Variants in EP400 observed in about 807,000 individuals in gnomAD.
EP400 encodes E1A binding protein p400.
A neutral mutation model predicts 354.1 loss-of-function variants in EP400; 105 were observed. That is an observed-to-expected ratio of 0.30 (90% confidence interval 0.25 to 0.35). EP400 has a LOEUF of 0.35. EP400 is among the 10% of genes least tolerant of loss of function. The probability of loss-of-function intolerance (pLI) is 1.00; values close to 1 mark genes in which losing one functional copy is unlikely to be tolerated. For missense variants in EP400, 3,280 were observed against 4,121.0 expected (o/e 0.80, Z 5.59); for synonymous variants, 1,646 against 1,716.9 (o/e 0.96, Z 1.02).
chr12:132,017,618 G>A lies in EP400; in HGVS notation c.4007G>A (p.Gly1336Glu). The A allele has an allele frequency of 5.6e-6, 9 of 1,612,270 alleles. No individual in the cohort carries two copies. Among genetic ancestry groups the A allele is most frequent in the Non-Finnish European group, 7.6e-6 (9 of 1,179,070 alleles). ...VRLQRICNHP[G>E]LVEPRHPGSS... ...CTGCAGCGCATCTGCAACCACCCTGGGCTCGTCGAGCCCCGGCACCCAGGC... is the reference window on the plus strand; with the variant it reads ...CTGCAGCGCATCTGCAACCACCCTGAGCTCGTCGAGCCCCGGCACCCAGGC... The change falls in exon 20 of 53, where the codon GGG becomes GAG. Residue 1336 changes from glycine to glutamate, a missense_variant. Transcript: ENST00000389561. This position sits in a 1 kb window ranked among gnomAD's most constrained non-coding sequence, Gnocchi z 5.0.
At chr12:132,063,691 A>T (rs974246804) in intron 47 of EP400, among the ~76,000 whole-genome samples, 15 of 152,132 alleles carry the variant, frequency 9.9e-5, no homozygotes, top group Middle Eastern at 3.2e-3. Flanking sequence ...AGTGGGCTGC[A>T]GGAGACGCAC....
At chr12:132,034,231 A>G (rs1478347306) in intron 30 of EP400, among the ~76,000 whole-genome samples, 1 of 152,224 alleles carries the variant, frequency 6.6e-6, no homozygotes, top group African/African-American at 2.4e-5. Flanking sequence ...AAAGTGTTGT[A>G]TTCTCAGTAT....
chr12:131,963,555 T>C (rs776041507), intron 2 of EP400: 1 of 1,598,448 alleles, frequency 6.3e-7, no homozygotes, highest in South Asian at 1.1e-5. Flanking sequence ...CAGGAAAGGA[T>C]GGGCAGACTG....
At chr12:132,004,152 C>T (rs967609493) in intron 12 of EP400, among the ~76,000 whole-genome samples, 7 of 152,298 alleles carry the variant, frequency 4.6e-5, no homozygotes, top group Admixed American at 6.5e-5. Context: ...TTCAGCTTTC[C>T]GTGTTGATTT....
In EP400 at chr12:132,013,487, C is replaced by T. The variant is rs771929984; in HGVS notation, c.3612-3C>T. 5 of 1,554,656 alleles carry T rather than the reference C, an allele frequency of 3.2e-6. 1 individual carries two copies. In the East Asian group the frequency reaches 6.8e-5, roughly 21 times the overall value. ...CCAGTGTTGTCTCTTGTCCTGTTTG[C>T]AGCCAACAACGTCTGCTTCTGATCG... is the stretch of plus-strand genomic sequence containing the variant. On this transcript the variant is annotated splice_polypyrimidine_tract_variant and splice_region_variant and intron_variant, in intron 17 of 52. Transcript: ENST00000389561. This position sits in a 1 kb window ranked among gnomAD's most constrained non-coding sequence, Gnocchi z 4.5.
Position 131,986,613 on chromosome 12 carries a change from G to A in EP400, c.2029G>A (p.Gly677Ser), listed in dbSNP as rs768684494. 12 of 1,613,762 alleles carry A rather than the reference G, an allele frequency of 7.4e-6. No individual in the cohort carries two copies. The highest frequency in any genetic ancestry group is 1.6e-4 in the Middle Eastern group (1 of 6,084). ...GTCCCTCGCGCCTGTGAGTGGCTCC[G>A]GCCCAGGACCCTCCCCTGCTCGATC... ...TSSLAPVSGS[G>S]PGPSPARSSP... is the part of the protein sequence containing the mutation. The change falls in exon 6 of 53, where the codon GGC becomes AGC. Residue 677 changes from glycine (G) to serine (S), a missense_variant. Transcript: ENST00000389561.
intron 32 of EP400, among the ~76,000 whole-genome samples, chr12:132,041,300 A>G (rs777343883): frequency 2.4e-4 from 36 of 152,242 alleles, no homozygotes; most frequent in Non-Finnish European, 3.7e-4. Flanking sequence ...GCAAGTGTAC[A>G]CATTACAAAG....
chr12:132,076,287 G>T, intron 51 of EP400: 6 of 589,744 alleles, frequency 1.0e-5, no homozygotes, highest in Non-Finnish European at 1.9e-5. Flanking sequence ...CCAAAAATAA[G>T]CTTAAATGAT....
Position 131,990,697 on chromosome 12 carries a change from A to C in EP400, c.2612A>C (p.Gln871Pro), listed in dbSNP as rs1459387344. ...EEKRKKALNLQKVSRRGKELR... is the reference protein window; with the variant it reads ...EEKRKKALNLPKVSRRGKELR... Reference sequence around the variant, plus strand: ...AAAAGGAAGAAGGCCTTAAATTTACAGAAAGTTTCCAGGAGAGGTAGGACC... The same window carrying C: ...AAAAGGAAGAAGGCCTTAAATTTACCGAAAGTTTCCAGGAGAGGTAGGACC... The change falls in exon 9 of 53, where the codon CAG becomes CCG. Residue 871 changes from glutamine to proline, a missense_variant. Physicochemically the swap from Gln to Pro is moderately conservative, Grantham distance 76. This residue lies in a region of EP400 where 800 missense variants were observed against 840.0 expected (regional missense o/e 0.95). Transcript: ENST00000389561. The surrounding 1 kb of genome is among the most constrained non-coding windows in gnomAD (Gnocchi z 4.2). The C allele has an allele frequency of 2.5e-6, 4 of 1,612,456 alleles. No individual in the cohort carries two copies. The African/African-American group carries it at 5.3e-5, about 22-fold the overall frequency.
At chr12:131,969,560 C>G (rs527532686) in intron 2 of EP400, among the ~76,000 whole-genome samples, 1 of 152,296 alleles carries the variant, frequency 6.6e-6, no homozygotes, top group Non-Finnish European at 1.5e-5. Context: ...ATACTTCCGA[C>G]ATACCTCTCT....
At position 132,053,365 on chromosome 12, in the gene EP400, C is replaced by G. The variant is rs1338959094; in HGVS notation, c.7496C>G (p.Ala2499Gly). ...CAGGCTCTGGCTGATCAGCAGAAGG[C>G]ACAGCAGCCGGCCGTGGCCCAGCCA... Reference protein sequence around the residue: ...EKKALADQQKAQQPAVAQPPP... With the variant: ...EKKALADQQKGQQPAVAQPPP... The change falls in exon 43 of 53, where the codon GCA becomes GGA. Residue 2499 changes from alanine to glycine, a missense_variant. Coordinates refer to ENST00000389561, the MANE Select transcript of EP400 (RefSeq NM_015409.5). 31 of 1,575,958 alleles carry G rather than the reference C, an allele frequency of 2.0e-5. No individual in the cohort carries two copies. The highest frequency in any genetic ancestry group is 2.7e-5 in the Non-Finnish European group (31 of 1,169,072).
Position 131,990,754 on chromosome 12 carries a change from T to TG in EP400, c.2629+40_2629+41insG. 1.4e-6 allele frequency: 2 copies of TG among 1,480,982 alleles called. No homozygotes were observed. Among genetic ancestry groups the TG allele is most frequent in the South Asian group, 1.2e-5 (1 of 84,290 alleles). The allele number at this position is 1,480,982 out of a possible 1,614,324, so 91.7% of individuals were successfully genotyped here. On this transcript the variant is annotated intron_variant, in intron 9 of 52. Coordinates refer to ENST00000389561, the MANE Select transcript of EP400 (RefSeq NM_015409.5). This position sits in a 1 kb window ranked among gnomAD's most constrained non-coding sequence, Gnocchi z 4.2. ...AAAAAGGCTCACCACGCTTGGGTGG[T>TG]ATTTTGTTCGGATTCTTTTCTCAGC...
chr12:132,043,957 G>A (rs980064140), intron 34 of EP400, among the ~76,000 whole-genome samples: 1 of 152,172 alleles, frequency 6.6e-6, no homozygotes, highest in Admixed American at 6.5e-5. Context: ...AGGGACCGTG[G>A]AGCTTGTTCT....
chr12:131,992,204 C>T lies in EP400; in HGVS notation c.2711C>T (p.Ala904Val), dbSNP rs1470928618. The T allele has an allele frequency of 6.2e-7, 1 of 1,610,258 alleles. No homozygotes were observed. Among genetic ancestry groups the T allele is most frequent in the Non-Finnish European group, 8.5e-7 (1 of 1,179,946 alleles). ...DSGMSGRKRK[A>V]SISLTDDEVD... The stretch of plus-strand genomic sequence containing the variant: ...GGAATGTCTGGAAGAAAAAGAAAAG[C>T]TAGCATATCTTTGACTGATGACGAA... The change falls in exon 11 of 53, where the codon GCT becomes GTT. Residue 904 changes from alanine (A) to valine (V), a missense_variant. Physicochemically the swap from Ala to Val is moderately conservative, Grantham distance 64. Coordinates refer to ENST00000389561, the MANE Select transcript of EP400 (RefSeq NM_015409.5).
Position 132,029,101 on chromosome 12 carries a change from G to T in EP400, c.5382-600G>T, listed in dbSNP as rs1289878991. The T allele has an allele frequency of 6.5e-6, 1 of 153,118 alleles. No homozygotes were observed. Among genetic ancestry groups the T allele is most frequent in the African/African-American group, 2.4e-5 (1 of 41,436 alleles). 9.5% of individuals were successfully genotyped at this position (153,118 alleles called of 1,614,324 possible). A position where few individuals can be genotyped will look rare whatever the true frequency, so the allele number is the denominator to read the frequency against. On this transcript the variant is annotated intron_variant, in intron 27 of 52. Coordinates refer to ENST00000389561, the MANE Select transcript of EP400 (RefSeq NM_015409.5). This position sits in a 1 kb window ranked among gnomAD's most constrained non-coding sequence, Gnocchi z 4.7. The stretch of plus-strand genomic sequence containing the variant: ...GAGTTTTTCTTTCGAGTACTGATTT[G>T]TCTTTGTGTACTCCTCCCTCATTGA...
intron 2 of EP400, among the ~76,000 whole-genome samples, chr12:131,970,185 T>C (rs191900752): frequency 6.6e-6 from 1 of 152,364 alleles, no homozygotes; most frequent in East Asian, 1.9e-4. Flanking sequence ...CACTGATAAG[T>C]ATCTGCATTA....
Position 132,028,194 on chromosome 12 carries a change from C to T in EP400, c.5287C>T (p.Pro1763Ser), listed in dbSNP as rs150615330. 1.4e-4 allele frequency: 226 copies of T among 1,614,048 alleles called. No individual in the cohort carries two copies. The highest frequency in any genetic ancestry group is 1.8e-4 in the Non-Finnish European group (216 of 1,180,044). Reference protein sequence around the residue: ...LDGRRGKEAGPAHSYTSSSES... With the variant: ...LDGRRGKEAGSAHSYTSSSES... ...TGGCCGTCGTGGGAAGGAGGCCGGG[C>T]CAGCGCACAGTTACACTTCATCCTC... The change falls in exon 27 of 53, where the codon CCA (proline) becomes TCA (serine). Residue 1763 changes from proline to serine, a missense_variant. Pro to Ser is a moderately conservative substitution (Grantham distance 74). Around this residue, in one of 20 missense-constraint regions of EP400, gnomAD observed 459 missense variants for 496.9 expected, o/e 0.92. Transcript: ENST00000389561.
Position 132,018,343 on chromosome 12 carries a change from C to T in EP400, c.4244C>T (p.Ala1415Val), listed in dbSNP as rs765734010. 2 of 1,610,136 alleles carry T rather than the reference C, an allele frequency of 1.2e-6. No individual in the cohort carries two copies. The highest frequency in any genetic ancestry group is 3.4e-5 in the Admixed American group (2 of 58,570). The change falls in exon 21 of 53, where the codon GCC (alanine) becomes GTC (valine). Residue 1415 changes from alanine to valine, a missense_variant. Coordinates refer to ENST00000389561, the MANE Select transcript of EP400 (RefSeq NM_015409.5). This position sits in a 1 kb window ranked among gnomAD's most constrained non-coding sequence, Gnocchi z 4.0. ...EEISTSAAPAARPAAAKLKAS... is the reference protein window; with the variant it reads ...EEISTSAAPAVRPAAAKLKAS... ...ATCTCCACTTCAGCAGCCCCAGCAG[C>T]CCGACCAGCAGCAGCAAAGCTGAAG...
chr12:131,963,866 A>G (rs1165269334), intron 2 of EP400, among the ~76,000 whole-genome samples: 1 of 152,204 alleles, frequency 6.6e-6, no homozygotes, highest in Non-Finnish European at 1.5e-5. Context: ...TATACTTGTA[A>G]TGCGGTAGTA....
Sources: allele counts gnomAD v4.1 joint callset (sites outside exome capture counted in the v4.1 genomes callset), GRCh38; gene constraint gnomAD v4.1.1; regional missense constraint gnomAD v4.1.1; non-coding constraint Gnocchi (gnomAD v3.1); transcripts MANE v1.5; gene names NCBI Gene and HGNC (gene_info 2026-07-23, HGNC 2026-07-21).